The following ARHGAP23 variants were observed in gnomAD, a reference collection of about 807,000 sequenced individuals.
The protein encoded by ARHGAP23 is Rho GTPase activating protein 23.
A neutral mutation model predicts 136.3 loss-of-function variants in ARHGAP23; 34 were observed. The ratio of observed to expected loss-of-function variants is 0.25; its 90% CI spans 0.19 to 0.33. ARHGAP23 has a LOEUF of 0.33. Ranked by LOEUF, ARHGAP23 falls within the 10% of genes least tolerant of loss-of-function variation. The pLI is 1.00. For synonymous variants in ARHGAP23, 832 were observed against 920.5 expected (o/e 0.90, Z 1.74); for missense variants, 1,808 against 2,139.0 (o/e 0.85, Z 3.05).
intron 23 of ARHGAP23, among the ~76,000 whole-genome samples, chr17:38,501,586 T>C (rs560973714): frequency 2.4e-4 from 36 of 152,054 alleles, no homozygotes; most frequent in Non-Finnish European, 4.0e-4. Context: ...CAGGCGTGAG[T>C]CACTGCGCCT....
At position 38,510,802 on chromosome 17, in the gene ARHGAP23, G is replaced by T; in HGVS notation, c.4306G>T (p.Ala1436Ser). The change falls in exon 24 of 24, where the codon GCG (alanine) becomes TCG (serine). Residue 1436 changes from alanine (A) to serine (S), a missense_variant. By Grantham distance (99) the Ala-to-Ser change is moderately conservative (BLOSUM62 1). Transcript: ENST00000622683. This position sits in a 1 kb window ranked among gnomAD's most constrained non-coding sequence, Gnocchi z 4.6. ...GGGGPPEPAG[A>S]RAHSDNKDSG... ...AGGGGGCCCCCCGGAGCCTGCGGGC[G>T]CGCGGGCGCACAGTGACAACAAGGA... is the stretch of plus-strand genomic sequence containing the variant. The T allele has an allele frequency of 6.7e-7, 1 of 1,502,526 alleles. No homozygotes were observed. 93.1% of individuals were successfully genotyped at this position (1,502,526 alleles called of 1,614,324 possible). A position where few individuals can be genotyped will look rare whatever the true frequency, so the allele number is the denominator to read the frequency against.
In ARHGAP23 at chr17:38,477,103, A is replaced by C; in HGVS notation, c.2119-476A>C. Among the ~76,000 whole-genome samples the C allele has an allele frequency of 6.6e-6, 1 of 152,006 alleles. No individual in the cohort carries two copies. Among genetic ancestry groups the C allele is most frequent in the East Asian group, 1.9e-4 (1 of 5,168 alleles). On this transcript the variant is annotated intron_variant, in intron 11 of 23. Transcript: ENST00000622683. This position sits in a 1 kb window ranked among gnomAD's most constrained non-coding sequence, Gnocchi z 6.6. ...CACATGGCGGTTCTGGGTGTCCCTG[A>C]GAAGGAGCTTCTGGGCAAGTGGAGT...
intron 23 of ARHGAP23, among the ~76,000 whole-genome samples, chr17:38,505,411 C>T (rs112723442): frequency 5.6e-4 from 85 of 152,112 alleles, no homozygotes; most frequent in African/African-American, 1.7e-3. Context: ...CTGCAATAAT[C>T]CCCGAGCACC....
chr17:38,444,358 G>A (rs1275515158), intron 1 of ARHGAP23, among the ~76,000 whole-genome samples: 1 of 152,118 alleles, frequency 6.6e-6, no homozygotes, highest in Non-Finnish European at 1.5e-5. Flanking sequence ...CTCATTTCCA[G>A]GAGTGCCTGA....
intron 1 of ARHGAP23, among the ~76,000 whole-genome samples, chr17:38,456,585 T>C (rs911483398): frequency 3.3e-5 from 5 of 152,106 alleles, no homozygotes; most frequent in Non-Finnish European, 5.9e-5. Flanking sequence ...AGGGGCAACA[T>C]AGAGGTTAGG....
chr17:38,463,526 G>C, intron 6 of ARHGAP23, 144 bp downstream of exon 6: 2 of 986,804 alleles, frequency 2.0e-6, no homozygotes, highest in East Asian at 2.6e-5. Context: ...CTGGGCTGGG[G>C]CTGGTTGTTG....
chr17:38,462,788 T>A, intron 3 of ARHGAP23, 58 bp from the exon 4 acceptor site: 1 of 1,208,458 alleles, frequency 8.3e-7, no homozygotes, highest in East Asian at 2.6e-5. Flanking sequence ...TGTGTGTAGC[T>A]GTGCATGGGT....
chr17:38,463,026 G>C, intron 4 of ARHGAP23, 85 bp downstream of exon 4: 1 of 1,529,526 alleles, frequency 6.5e-7, no homozygotes, highest in Non-Finnish European at 8.8e-7. Flanking sequence ...GGAGGCTCCT[G>C]TCCCCACAGT....
intron 1 of ARHGAP23, among the ~76,000 whole-genome samples, chr17:38,445,629 T>TC (rs760427634): frequency 1.3e-3 from 194 of 145,726 alleles, no homozygotes; most frequent in Non-Finnish European, 1.9e-3. Flanking sequence ...TAATATTTAT[T>TC]CATTCATTCC....
chr17:38,445,862 G>A (rs2039020610), intron 1 of ARHGAP23, among the ~76,000 whole-genome samples: 1 of 151,930 alleles, frequency 6.6e-6, no homozygotes, highest in Non-Finnish European at 1.5e-5. Flanking sequence ...CTGGACTCCT[G>A]ACCTCAAGTG....
chr17:38,498,401 C>T lies in ARHGAP23; in HGVS notation c.3319-13C>T. The T allele has an allele frequency of 6.5e-7, 1 of 1,542,300 alleles. No individual in the cohort carries two copies. The highest frequency in any genetic ancestry group is 8.8e-7 in the Non-Finnish European group (1 of 1,142,458). On this transcript the variant is annotated splice_polypyrimidine_tract_variant and intron_variant, in intron 21 of 23. Transcript: ENST00000622683. ...CTGAGGGCATGCCAGCTGACCCCTC[C>T]TCCTGTTCGCAGACCCCTGTGGGCG...
rs1256061870 is a variant in ARHGAP23 at position 38,510,514 on chromosome 17, G to A, written c.4018G>A (p.Ala1340Thr). The change falls in exon 24 of 24, where the codon GCC (alanine) becomes ACC (threonine). Residue 1340 changes from alanine to threonine, a missense_variant. By Grantham distance (58) the Ala-to-Thr change is moderately conservative (BLOSUM62 0). Coordinates refer to ENST00000622683, the MANE Select transcript of ARHGAP23 (RefSeq NM_001199417.2). The surrounding 1 kb of genome is among the most constrained non-coding windows in gnomAD (Gnocchi z 4.6). ...GEGAGRGGPR[A>T]PEPPGSASSS... ...GGGCGCGGGCCGGGGCGGTCCCCGC[G>A]CCCCGGAGCCGCCCGGCTCGGCGTC... is the stretch of plus-strand genomic sequence containing the variant. The A allele has an allele frequency of 1.7e-5, 19 of 1,134,122 alleles. No homozygotes were observed. The Admixed American group carries it at 3.9e-4, about 24-fold the overall frequency. 70.3% of individuals were successfully genotyped at this position (1,134,122 alleles called of 1,614,324 possible). A position where few individuals can be genotyped will look rare whatever the true frequency, so the allele number is the denominator to read the frequency against.
intron 1 of ARHGAP23, among the ~76,000 whole-genome samples, chr17:38,434,538 A>G (rs2038752436): frequency 6.6e-6 from 1 of 152,150 alleles, no homozygotes; most frequent in African/African-American, 2.4e-5. Context: ...GGATAGAAAC[A>G]GACCCGGCCT....
At chr17:38,503,734 C>T (rs1597851046) in intron 23 of ARHGAP23, among the ~76,000 whole-genome samples, 2 of 152,312 alleles carry the variant, frequency 1.3e-5, no homozygotes, top group Middle Eastern at 6.8e-3. Flanking sequence ...CCTGCATTAA[C>T]CTGGGAACTC....
intron 1 of ARHGAP23, among the ~76,000 whole-genome samples, chr17:38,441,107 C>T (rs2038910372): frequency 6.6e-6 from 1 of 152,224 alleles, no homozygotes; most frequent in Non-Finnish European, 1.5e-5. Flanking sequence ...ACCATTCGGC[C>T]TATGCTCCCA....
chr17:38,459,039 A>G (rs1378964459), intron 2 of ARHGAP23, among the ~76,000 whole-genome samples: 1 of 152,204 alleles, frequency 6.6e-6, no homozygotes, highest in African/African-American at 2.4e-5. Context: ...TGTGGGAAGA[A>G]GACAGAAGGG....
intron 23 of ARHGAP23, among the ~76,000 whole-genome samples, chr17:38,502,292 C>T (rs1161844666): frequency 6.6e-6 from 1 of 152,090 alleles, no homozygotes; most frequent in African/African-American, 2.4e-5. Flanking sequence ...GGCGACAGAG[C>T]GAGACTCCGT....
chr17:38,425,255 A>G (rs549807810), upstream of ARHGAP23, among the ~76,000 whole-genome samples: 1 of 152,074 alleles, frequency 6.6e-6, no homozygotes, highest in Non-Finnish European at 1.5e-5. Flanking sequence ...CACGATGCCG[A>G]TGCCGGAGCC....
intron 11 of ARHGAP23, among the ~76,000 whole-genome samples, chr17:38,474,239 G>A (rs562744890): frequency 1.2e-3 from 186 of 152,332 alleles, no homozygotes; most frequent in South Asian, 5.4e-3. Context: ...GGTTTTAAAT[G>A]TGGGCTGGGG....
Sources: allele counts gnomAD v4.1 joint callset (sites outside exome capture counted in the v4.1 genomes callset), GRCh38; gene constraint gnomAD v4.1.1; non-coding constraint Gnocchi (gnomAD v3.1); transcripts MANE v1.5; gene names NCBI Gene and HGNC (gene_info 2026-07-23, HGNC 2026-07-21).